The following NEB variants were observed in gnomAD, a reference collection of about 807,000 sequenced individuals.
NEB encodes the protein nemaline myopathy type 2.
Under a neutral mutation model 952.2 loss-of-function variants are expected in NEB, and 512 were observed. That is an observed-to-expected ratio of 0.54 (90% CI 0.50 to 0.58). NEB has a LOEUF of 0.58. Among genes scored for constraint, NEB ranks in the 20% least tolerant of loss-of-function variants. The probability of loss-of-function intolerance (pLI) is 0.00; values close to 1 mark genes in which losing one functional copy is unlikely to be tolerated. For synonymous variants in NEB, 2,900 were observed against 3,149.8 expected (o/e 0.92, Z 2.66); for missense variants, 8,428 against 9,231.1 (o/e 0.91, Z 3.56).
At position 151,655,799 on chromosome 2, in the gene NEB, G is replaced by A. The variant is rs371812340; in HGVS notation, c.6702+18C>T. On this transcript the variant is annotated intron_variant, in intron 50 of 181. Coordinates refer to ENST00000397345, the MANE Select transcript of NEB (RefSeq NM_001164508.2). ...TTCCTCACGTGGGAGCTGTGTGGAC[G>A]GCCACTGTTCTCTGTACCTTGTTCA... 8.7e-6 allele frequency: 14 copies of A among 1,611,470 alleles called. No individual in the cohort carries two copies. The highest frequency in any genetic ancestry group is 2.2e-5 in the South Asian group (2 of 90,976).
At chr2:151,630,146 T>C (rs1465541192) in intron 67 of NEB, among the ~76,000 whole-genome samples, 2 of 152,186 alleles carry the variant, frequency 1.3e-5, no homozygotes, top group Non-Finnish European at 2.9e-5. Flanking sequence ...TAACAAAATA[T>C]AGTTAACAAC....
chr2:151,644,573 T>C lies in NEB; in HGVS notation c.7539A>G (p.Lys2513=). 6.2e-7 allele frequency: 1 copy of C among 1,610,996 alleles called. No individual in the cohort carries two copies. Among genetic ancestry groups the C allele is most frequent in the Non-Finnish European group, 8.5e-7 (1 of 1,177,376 alleles). The change falls in exon 56 of 182, where the codon AAA becomes AAG. Residue 2513 remains lysine (K), a splice_region_variant and synonymous_variant. Coordinates refer to ENST00000397345, the MANE Select transcript of NEB (RefSeq NM_001164508.2). ...AKANLINTSD[K]LYRMGYEELK... ...GCTCCTCATAACCCATTCGGTAGAGTTTCTGTTAAGAAATGAAGATCATTT... is the reference window on the plus strand; with the variant it reads ...GCTCCTCATAACCCATTCGGTAGAGCTTCTGTTAAGAAATGAAGATCATTT...
At position 151,658,021 on chromosome 2, in the gene NEB, T is replaced by G; in HGVS notation, c.6145A>C (p.Ile2049Leu). 2 of 1,611,190 alleles carry G rather than the reference T, an allele frequency of 1.2e-6. No homozygotes were observed. The highest frequency in any genetic ancestry group is 1.7e-6 in the Non-Finnish European group (2 of 1,178,336). ...TCTCTGGAAGCCTTGGCAGCTTTGA[T>G]AGGAATTGCATCAGGTCTGAGATCA... ...GYDLRPDAIPIKAAKASRDIA... is the reference protein window; with the variant it reads ...GYDLRPDAIPLKAAKASRDIA... The change falls in exon 48 of 182, where the codon ATC (isoleucine) becomes CTC (leucine). Residue 2049 changes from isoleucine to leucine, a missense_variant. By Grantham distance (5) the Ile-to-Leu change is conservative. This residue lies in a region of NEB where 2,851 missense variants were observed against 2,791.5 expected (regional missense o/e 1.02). Coordinates refer to ENST00000397345, the MANE Select transcript of NEB (RefSeq NM_001164508.2).
At chr2:151,564,133 TTTTTATTTTA>T (rs959239059) in intron 117 of NEB, among the ~76,000 whole-genome samples, 6 of 152,140 alleles carry the variant, frequency 3.9e-5, no homozygotes, top group South Asian at 2.1e-4. Flanking sequence ...GGCATTTTAT[TTTTTATTTTA>T]TTTTATTTTA....
At chr2:151,617,291 C>A (rs1331408661) in intron 75 of NEB, 73 bp downstream of exon 75, 1 of 1,053,474 alleles carries the variant, frequency 9.5e-7, no homozygotes, top group Non-Finnish European at 1.4e-6. Flanking sequence ...TAGTCAAAAC[C>A]TTTTCCTAAG....
chr2:151,666,538 A>G (rs1270430568), intron 40 of NEB, 137 bp from the exon 41 acceptor site: 11 of 781,202 alleles, frequency 1.4e-5, no homozygotes, highest in Non-Finnish European at 1.8e-5. Flanking sequence ...GTATTTTAAA[A>G]TAAACAATTA....
intron 138 of NEB, 115 bp from the exon 139 acceptor site, chr2:151,538,359 A>G (rs2093536207): frequency 2.7e-6 from 2 of 752,736 alleles, no homozygotes; most frequent in Non-Finnish European, 4.4e-6. Context: ...TACATTTAGG[A>G]AAAATTTAAA....
At chr2:151,688,217 C>T (rs2099517980) in intron 25 of NEB, 75 bp downstream of exon 25, 1 of 1,230,004 alleles carries the variant, frequency 8.1e-7, no homozygotes, top group Non-Finnish European at 1.2e-6. Flanking sequence ...AATTCCTTGT[C>T]TTGTCTTTTA....
chr2:151,696,062 T>C (rs1018005882), intron 17 of NEB, among the ~76,000 whole-genome samples: 22 of 152,340 alleles, frequency 1.4e-4, no homozygotes, highest in African/African-American at 5.3e-4. Flanking sequence ...CTTTTGATGC[T>C]CTAATTGGAG....
chr2:151,666,512 A>G (rs2099219111), intron 40 of NEB, 111 bp from the exon 41 acceptor site: 2 of 1,067,292 alleles, frequency 1.9e-6, no homozygotes, highest in Non-Finnish European at 2.6e-6. Flanking sequence ...TCTAGGTAAC[A>G]TCGAAGTTTT....
chr2:151,699,586 T>G, intron 13 of NEB, among the ~76,000 whole-genome samples: 1 of 63,818 alleles, frequency 1.6e-5, no homozygotes, highest in Non-Finnish European at 3.1e-5. Context: ...CTCATTGTGG[T>G]TTTGATTTGC....
chr2:151,489,281 T>TA (rs2054041565), intron 181 of NEB, among the ~76,000 whole-genome samples: 1 of 152,218 alleles, frequency 6.6e-6, no homozygotes, highest in Non-Finnish European at 1.5e-5. Context: ...GGTTTTAAAC[T>TA]AAGAGTTGTG....
chr2:151,490,410 G>A lies in NEB; in HGVS notation c.25259C>T (p.Ser8420Leu), dbSNP rs949111967. The change falls in exon 180 of 182, where the codon TCG becomes TTG. Residue 8420 changes from serine (S) to leucine (L), a missense_variant. Ser to Leu is a moderately radical substitution (Grantham distance 145, BLOSUM62 -2). Transcript: ENST00000397345. ...AAAGACACCCCCGTCGCTGTAAGTC[G>A]AAAGGTGGTGGTCTGGTGCTTCTGA... ...EHSEAPDHHLSTYSDGGVFAV... is the reference protein window; with the variant it reads ...EHSEAPDHHLLTYSDGGVFAV... 6.9e-6 allele frequency: 11 copies of A among 1,597,162 alleles called. No homozygotes were observed. Among genetic ancestry groups the A allele is most frequent in the Middle Eastern group, 1.7e-4 (1 of 6,048 alleles).
In NEB at chr2:151,537,183, A is replaced by G; in HGVS notation, c.21156T>C (p.Tyr7052=). 1 of 1,613,318 alleles carries G rather than the reference A, an allele frequency of 6.2e-7. No individual in the cohort carries two copies. The highest frequency in any genetic ancestry group is 8.5e-7 in the Non-Finnish European group (1 of 1,179,506). The change falls in exon 141 of 182, where the codon TAT becomes TAC. Residue 7052 remains tyrosine (Y), a synonymous_variant. Coordinates refer to ENST00000397345, the MANE Select transcript of NEB (RefSeq NM_001164508.2). ...TWLKGIGCYA[Y]DTPDFTLAEK... is the part of the protein sequence containing the mutation. ...CAGCCAGAGTGAAATCAGGGGTATC[A>G]TAGGCATAGCAACCAATGCCTTTAA...
chr2:151,530,225 G>T (rs984433951), intron 145 of NEB, among the ~76,000 whole-genome samples: 5 of 152,112 alleles, frequency 3.3e-5, no homozygotes, highest in African/African-American at 1.2e-4. Context: ...TATTGTCATT[G>T]CTGGAGACAT....
In NEB at chr2:151,692,034, CATGAACCATTGTCTTCAAACTT is replaced by C. The variant is rs752283693; in HGVS notation, c.2106+3_2106+24del. On this transcript the variant is annotated splice_donor_5th_base_variant and intron_variant, in intron 22 of 181. Coordinates refer to ENST00000397345, the MANE Select transcript of NEB (RefSeq NM_001164508.2). ...GCTCTCAAACAATGTCACTGTGAGGCATGAACCATTGTCTTCAAACTTACATCACTGTTTTGAGCTGCAACTT... is the reference window on the plus strand; with the variant it reads ...GCTCTCAAACAATGTCACTGTGAGGCACATCACTGTTTTGAGCTGCAACTT... 6.2e-7 allele frequency: 1 copy of C among 1,608,500 alleles called. No individual in the cohort carries two copies. Among genetic ancestry groups the C allele is most frequent in the East Asian group, 2.2e-5 (1 of 44,858 alleles).
rs780379101 is a variant in NEB, at chr2:151,508,051, G to A, written c.23405C>T (p.Thr7802Ile). The part of the protein sequence containing the change: ...SMSYYETVLD[T>I]PEIQRVRENQ... ...CTCCCGGACTCTCTGTATCTCTGGG[G>A]TGTCCAAAACAGTCTCATAATACGA... The change falls in exon 162 of 182, where the codon ACC (threonine) becomes ATC (isoleucine). Residue 7802 changes from threonine (T) to isoleucine (I), a missense_variant. Thr to Ile is a moderately conservative substitution (Grantham distance 89). Transcript: ENST00000397345. 4.3e-6 allele frequency: 7 copies of A among 1,611,192 alleles called. No homozygotes were observed. The highest frequency in any genetic ancestry group is 5.9e-6 in the Non-Finnish European group (7 of 1,178,702).
intron 124 of NEB, among the ~76,000 whole-genome samples, chr2:151,559,383 T>C (rs1040429459): frequency 6.6e-6 from 1 of 152,162 alleles, no homozygotes; most frequent in Non-Finnish European, 1.5e-5. Context: ...GACAGTGTGG[T>C]GATTCCTCAA....
intron 153 of NEB, among the ~76,000 whole-genome samples, 175 bp downstream of exon 153, chr2:151,524,136 G>A (rs532076837): frequency 2.6e-5 from 4 of 152,226 alleles, no homozygotes; most frequent in Non-Finnish European, 5.9e-5. Flanking sequence ...GGTCTAGACA[G>A]CTTAGAGGGA....
Sources: gnomAD v4.1 joint callset for allele counts (sites outside exome capture counted in the v4.1 genomes callset) on GRCh38, gnomAD v4.1.1 for gene constraint, gnomAD v4.1.1 regional missense constraint, MANE v1.5 for transcripts, NCBI Gene and HGNC (gene_info 2026-07-23, HGNC 2026-07-21) for gene names.